Variants in PTPRT observed in about 807,000 individuals in gnomAD.
PTPRT encodes the protein receptor-type tyrosine-protein phosphatase T.
PTPRT carries 56 observed loss-of-function variants against 176.8 expected under a neutral mutation model. The observed-to-expected ratio is 0.32, with a 90% CI of 0.26 to 0.40. The LOEUF is 0.40. PTPRT is among the 10% of genes least tolerant of loss of function. The pLI, the probability that PTPRT is intolerant of heterozygous loss-of-function variation, is 1.00. For synonymous variants in PTPRT, 783 were observed against 739.0 expected, an observed-to-expected ratio of 1.06 and a Z score of -0.96; for missense variants, 1,540 against 1,908.2, an observed-to-expected ratio of 0.81 and a Z score of 3.60.
chr20:43,155,914 C>A (rs1480204947), intron 1 of PTPRT, among the ~76,000 whole-genome samples: 1 of 152,198 alleles, frequency 6.6e-6, no homozygotes, highest in East Asian at 1.9e-4. Context: ...AAGACTTCCA[C>A]ATATGTGAAG....
chr20:42,721,489 G>C (rs1465946847), intron 6 of PTPRT, among the ~76,000 whole-genome samples: 1 of 152,234 alleles, frequency 6.6e-6, no homozygotes, highest in Non-Finnish European at 1.5e-5. Context: ...AATCAGACAA[G>C]GGCTGGGGAG....
chr20:42,626,710 G>T (rs2074296680), intron 7 of PTPRT, among the ~76,000 whole-genome samples: 1 of 152,204 alleles, frequency 6.6e-6, no homozygotes. Flanking sequence ...TAGCCACAGA[G>T]GGTCAGGTGG....
At chr20:42,738,585 A>G (rs1489100767) in intron 6 of PTPRT, among the ~76,000 whole-genome samples, 1 of 152,066 alleles carries the variant, frequency 6.6e-6, no homozygotes, top group Non-Finnish European at 1.5e-5. Flanking sequence ...TCTCCCCTCC[A>G]TTAGAATATC....
At chr20:42,636,065 G>A (rs545697157) in intron 7 of PTPRT, among the ~76,000 whole-genome samples, 4 of 152,226 alleles carry the variant, frequency 2.6e-5, no homozygotes, top group Admixed American at 6.5e-5. Context: ...AGAGTTGACC[G>A]ACAATTTGAA....
intron 9 of PTPRT, among the ~76,000 whole-genome samples, chr20:42,355,653 C>T (rs1033601210): frequency 1.3e-5 from 2 of 152,310 alleles, no homozygotes; most frequent in African/African-American, 4.8e-5. Flanking sequence ...CTGGTTTCCA[C>T]TGTGGCAGAA....
At chr20:42,317,499 T>C (rs532334386) in intron 11 of PTPRT, among the ~76,000 whole-genome samples, 36 of 152,244 alleles carry the variant, frequency 2.4e-4, no homozygotes, top group African/African-American at 7.9e-4. Flanking sequence ...GAGACTTCTG[T>C]GAATTAATGA....
intron 13 of PTPRT, among the ~76,000 whole-genome samples, chr20:42,252,685 A>T (rs1318506175): frequency 6.6e-6 from 1 of 152,222 alleles, no homozygotes; most frequent in East Asian, 1.9e-4. Context: ...TTCCCAAAAG[A>T]ATTCCAAGAC....
intron 1 of PTPRT, among the ~76,000 whole-genome samples, chr20:43,138,841 A>C (rs535588916): frequency 6.6e-6 from 1 of 152,266 alleles, no homozygotes; most frequent in Admixed American, 6.5e-5. Flanking sequence ...TGTCAACATG[A>C]AACCAAACCA....
intron 7 of PTPRT, among the ~76,000 whole-genome samples, chr20:42,592,636 T>C (rs1401369328): frequency 6.6e-6 from 1 of 152,202 alleles, no homozygotes; most frequent in Non-Finnish European, 1.5e-5. Context: ...TGGAGGTATG[T>C]CATGCTTAGA....
rs115211142 is a variant in PTPRT, at chr20:42,817,003, C to T, written c.215-25537G>A. 4.2e-3 allele frequency among the ~76,000 whole-genome samples: 635 copies of T among 152,212 alleles called. 3 individuals are homozygous for T. Among genetic ancestry groups the T allele is most frequent in the African/African-American group, 0.014 (584 of 41,528 alleles). ...GTCTTCCTCACCTTACCCAGAAGACCCTGATGGTTCCTAGAACAAGAAGCA... is the reference window on the plus strand; with the variant it reads ...GTCTTCCTCACCTTACCCAGAAGACTCTGATGGTTCCTAGAACAAGAAGCA... On this transcript the variant is annotated intron_variant, in intron 2 of 30. Coordinates refer to ENST00000373187, the MANE Select transcript of PTPRT (RefSeq NM_007050.6).
At chr20:42,666,997 C>T (rs137995484) in intron 7 of PTPRT, among the ~76,000 whole-genome samples, 52 of 152,288 alleles carry the variant, frequency 3.4e-4, no homozygotes, top group African/African-American at 1.1e-3. Flanking sequence ...TTCTAGCTTA[C>T]TAAGAATTCT....
intron 11 of PTPRT, among the ~76,000 whole-genome samples, chr20:42,341,543 C>T (rs1352359591): frequency 6.6e-6 from 1 of 152,190 alleles, no homozygotes; most frequent in African/African-American, 2.4e-5. Context: ...TTCTCCATCT[C>T]CTGTGTGTTT....
intron 1 of PTPRT, among the ~76,000 whole-genome samples, chr20:43,012,425 G>C (rs1043166906): frequency 1.3e-5 from 2 of 152,118 alleles, no homozygotes; most frequent in Admixed American, 1.3e-4. Flanking sequence ...GAGGCTGAGG[G>C]GAGTGGGGAA....
At chr20:42,130,498 C>T (rs1308318883) in intron 18 of PTPRT, among the ~76,000 whole-genome samples, 1 of 152,166 alleles carries the variant, frequency 6.6e-6, no homozygotes, top group Non-Finnish European at 1.5e-5. Flanking sequence ...ATTGGCTAAA[C>T]CTAAATAGCT....
chr20:42,085,554 G>A (rs1983802826), intron 28 of PTPRT, among the ~76,000 whole-genome samples, 174 bp downstream of exon 28: 1 of 152,168 alleles, frequency 6.6e-6, no homozygotes, highest in East Asian at 1.9e-4. Flanking sequence ...TCTATGTGTT[G>A]GAGTCATTGC....
chr20:42,623,212 T>C (rs2074231167), intron 7 of PTPRT, among the ~76,000 whole-genome samples: 1 of 152,204 alleles, frequency 6.6e-6, no homozygotes. Context: ...ACTGAGCTGG[T>C]TAACTTTAGC....
chr20:43,028,337 G>C (rs1986000559), intron 1 of PTPRT, among the ~76,000 whole-genome samples: 1 of 152,088 alleles, frequency 6.6e-6, no homozygotes, highest in South Asian at 2.1e-4. Flanking sequence ...TTTGCCCTTT[G>C]AACTTGATGC....
chr20:42,104,409 T>C (rs1180009641), intron 25 of PTPRT, among the ~76,000 whole-genome samples, 160 bp downstream of exon 25: 2 of 152,190 alleles, frequency 1.3e-5, no homozygotes, highest in Non-Finnish European at 2.9e-5. Flanking sequence ...AAGTGAGCCC[T>C]CCCCAGACAC....
chr20:42,725,084 A>T (rs1438819920), intron 6 of PTPRT, among the ~76,000 whole-genome samples: 1 of 150,950 alleles, frequency 6.6e-6, no homozygotes, highest in Non-Finnish European at 1.5e-5. Context: ...CTGGAGTTCA[A>T]TGGAATGATC....
Sources: allele counts gnomAD v4.1 joint callset (sites outside exome capture counted in the v4.1 genomes callset), GRCh38; gene constraint gnomAD v4.1.1; transcripts MANE v1.5; gene names NCBI Gene and HGNC (gene_info 2026-07-23, HGNC 2026-07-21).